Variants in UNC5A observed in about 807,000 individuals in gnomAD.
The protein encoded by UNC5A is netrin receptor UNC5A.
A neutral mutation model predicts 87.4 loss-of-function variants in UNC5A; 20 were observed. The ratio of observed to expected loss-of-function variants is 0.23; its 90% CI spans 0.16 to 0.33. The LOEUF (loss-of-function observed/expected upper bound fraction) is 0.33, where lower values mean the gene tolerates loss of function less well. Ranked by LOEUF, UNC5A falls within the 10% of genes least tolerant of loss-of-function variation. The pLI is 1.00. For synonymous variants in UNC5A, 438 were observed against 482.3 expected (o/e 0.91, Z 1.20); for missense variants, 844 against 1,133.4 (o/e 0.74, Z 3.67).
intron 1 of UNC5A, among the ~76,000 whole-genome samples, chr5:176,856,076 G>A (rs948742817): frequency 6.6e-6 from 1 of 152,210 alleles, no homozygotes; most frequent in African/African-American, 2.4e-5. Context: ...GCCGAGTGAC[G>A]CCCTGTCCCT....
Position 176,878,273 on chromosome 5 carries a change from G to A in UNC5A, c.1899G>A (p.Gly633=). 3.1e-6 allele frequency: 5 copies of A among 1,612,738 alleles called. No individual in the cohort carries two copies. The African/African-American group carries it at 6.7e-5, about 21-fold the overall frequency. Residue 633 remains glycine, a synonymous_variant, in exon 12 of 15, where the codon GGG becomes GGA. Transcript: ENST00000329542. ...TGGTGCAGCTGGAGAAGCAGCTGGG[G>A]GGACAGCTGATCCAGGAGCCACGGG... ...KEVVQLEKQL[G]GQLIQEPRVL...
At chr5:176,862,884 G>A (rs752270033) in intron 2 of UNC5A, 39 bp downstream of exon 2, 2 of 1,607,852 alleles carry the variant, frequency 1.2e-6, no homozygotes, top group Admixed American at 1.7e-5. Flanking sequence ...CAATCCGGGG[G>A]AGGCGAGTTT....
chr5:176,863,447 C>T (rs1006540788), intron 2 of UNC5A, among the ~76,000 whole-genome samples: 17 of 152,160 alleles, frequency 1.1e-4, no homozygotes, highest in African/African-American at 4.1e-4. Context: ...GATTCAGGGG[C>T]CAGAGTTGGG....
At position 176,842,492 on chromosome 5, in the gene UNC5A, G is replaced by GATATAT. The variant is rs35268512; in HGVS notation, c.71-20119_71-20114dup. ...GTCAATCAACAAATGGAGAAACTGTGATATATATATATATATATGATGGAA... is the reference window on the plus strand; with the variant it reads ...GTCAATCAACAAATGGAGAAACTGTGATATATATATATATATATATATATGATGGAA... On this transcript the variant is annotated intron_variant, in intron 1 of 14. Transcript: ENST00000329542. 1.2e-3 allele frequency among the ~76,000 whole-genome samples: 175 copies of GATATAT among 145,660 alleles called. 4 individuals are homozygous for GATATAT. The highest frequency in any genetic ancestry group is 3.9e-3 in the African/African-American group (149 of 37,756).
chr5:176,830,791 T>TGC (rs1756997700), intron 1 of UNC5A, among the ~76,000 whole-genome samples: 1 of 146,746 alleles, frequency 6.8e-6, no homozygotes, highest in Non-Finnish European at 1.5e-5. Flanking sequence ...GGCGTGTGTG[T>TGC]GCTGGCATGT....
intron 1 of UNC5A, among the ~76,000 whole-genome samples, chr5:176,822,738 CA>C (rs1176089165): frequency 6.6e-6 from 1 of 152,124 alleles, no homozygotes; most frequent in Non-Finnish European, 1.5e-5. Flanking sequence ...ACCCTGAGGC[CA>C]GAACAGGAGA....
At chr5:176,811,995 G>A (rs772075107) in intron 1 of UNC5A, among the ~76,000 whole-genome samples, 2 of 152,034 alleles carry the variant, frequency 1.3e-5, no homozygotes, top group East Asian at 1.9e-4. Flanking sequence ...GTGTCTCTGC[G>A]CAGCGCATCC....
At chr5:176,864,431 G>A (rs1366013254) in intron 2 of UNC5A, among the ~76,000 whole-genome samples, 1 of 152,238 alleles carries the variant, frequency 6.6e-6, no homozygotes, top group African/African-American at 2.4e-5. Flanking sequence ...GGAGGGCAAG[G>A]CCCCTGCCAG....
At position 176,878,147 on chromosome 5, in the gene UNC5A, C is replaced by T. The variant is rs1224953631; in HGVS notation, c.1869+20C>T. The T allele has an allele frequency of 1.9e-6, 3 of 1,604,528 alleles. No homozygotes were observed. Among genetic ancestry groups the T allele is most frequent in the Non-Finnish European group, 2.5e-6 (3 of 1,177,798 alleles). On this transcript the variant is annotated intron_variant, in intron 11 of 14. Transcript: ENST00000329542. Reference sequence around the variant, plus strand: ...CTCAAGGTATCTCCCGCCCCTCACCCCCCGCCGCTGGGAGGCCGAGCTATG... The same window carrying T: ...CTCAAGGTATCTCCCGCCCCTCACCTCCCGCCGCTGGGAGGCCGAGCTATG...
chr5:176,847,151 G>A (rs988197881), intron 1 of UNC5A, among the ~76,000 whole-genome samples: 5 of 152,312 alleles, frequency 3.3e-5, no homozygotes, highest in Admixed American at 3.3e-4. Context: ...GAAGTCGGGC[G>A]CCGGCTGATT....
At chr5:176,835,230 A>G (rs951097780) in intron 1 of UNC5A, among the ~76,000 whole-genome samples, 1 of 152,222 alleles carries the variant, frequency 6.6e-6, no homozygotes, top group Non-Finnish European at 1.5e-5. Context: ...CACTGGTGTG[A>G]CTGAGGAGAT....
At chr5:176,862,351 C>T (rs1265734398) in intron 1 of UNC5A, among the ~76,000 whole-genome samples, 1 of 152,240 alleles carries the variant, frequency 6.6e-6, no homozygotes, top group Non-Finnish European at 1.5e-5. Context: ...CGCCAGGCCA[C>T]CTCGGTGCTG....
chr5:176,825,340 T>C (rs1344983421), intron 1 of UNC5A, among the ~76,000 whole-genome samples: 1 of 152,032 alleles, frequency 6.6e-6, no homozygotes, highest in Non-Finnish European at 1.5e-5. Flanking sequence ...GTGTAAGGTT[T>C]TGAGCAGGAG....
intron 1 of UNC5A, among the ~76,000 whole-genome samples, chr5:176,827,373 G>A (rs999097687): frequency 6.6e-6 from 1 of 151,852 alleles, no homozygotes; most frequent in African/African-American, 2.4e-5. Context: ...AGTAGGGACG[G>A]GGTTTCACCA....
At position 176,866,501 on chromosome 5, in the gene UNC5A, G is replaced by A. The variant is rs1347290112; in HGVS notation, c.293-1629G>A. 6.6e-6 allele frequency among the ~76,000 whole-genome samples: 1 copy of A among 152,168 alleles called. No individual in the cohort carries two copies. Among genetic ancestry groups the A allele is most frequent in the Non-Finnish European group, 1.5e-5 (1 of 68,028 alleles). On this transcript the variant is annotated intron_variant, in intron 2 of 14. Transcript: ENST00000329542. This position sits in a 1 kb window ranked among gnomAD's most constrained non-coding sequence, Gnocchi z 5.0. ...CCCAAGCTGAGCCGCCTGGGCCATGGGTGAGGCTCCTGAAGGAGGGCCGGG... is the reference window on the plus strand; with the variant it reads ...CCCAAGCTGAGCCGCCTGGGCCATGAGTGAGGCTCCTGAAGGAGGGCCGGG...
At chr5:176,870,565 T>G in intron 6 of UNC5A, 31 bp downstream of exon 6, 1 of 1,547,098 alleles carries the variant, frequency 6.5e-7, no homozygotes, top group Non-Finnish European at 8.8e-7. Flanking sequence ...GGTCCTCTTC[T>G]GTTTGCCTGG....
chr5:176,872,924 A>C (rs374775088), intron 6 of UNC5A, among the ~76,000 whole-genome samples: 1 of 78,640 alleles, frequency 1.3e-5, no homozygotes, highest in Non-Finnish European at 2.4e-5. Flanking sequence ...GCCCACACTC[A>C]CCCAACACCA....
At chr5:176,879,632 G>A in intron 14 of UNC5A, 89 bp from the exon 15 acceptor site, 1 of 1,562,250 alleles carries the variant, frequency 6.4e-7, no homozygotes, top group Non-Finnish European at 8.7e-7. Flanking sequence ...TTGGCTTCGG[G>A]GAGGCCCTGC....
At chr5:176,852,699 C>A (rs1757573663) in intron 1 of UNC5A, among the ~76,000 whole-genome samples, 1 of 152,206 alleles carries the variant, frequency 6.6e-6, no homozygotes, top group Admixed American at 6.5e-5. Context: ...GGAGCCCGTC[C>A]CCCCATCACA....
Sources: allele counts gnomAD v4.1 joint callset (sites outside exome capture counted in the v4.1 genomes callset), GRCh38; gene constraint gnomAD v4.1.1; non-coding constraint Gnocchi (gnomAD v3.1); transcripts MANE v1.5; gene names NCBI Gene and HGNC (gene_info 2026-07-23, HGNC 2026-07-21).